CELF4: variants seen among roughly 807,000 people sequenced by gnomAD.
CELF4 encodes the protein CUG-BP- and ETR-3-like factor 4.
In CELF4, 18 loss-of-function variants were observed where a neutral mutation model predicts 59.9. The ratio of observed to expected loss-of-function variants is 0.30; its 90% CI spans 0.21 to 0.45. The LOEUF (loss-of-function observed/expected upper bound fraction) is 0.45. Among genes scored for constraint, CELF4 ranks in the 20% least tolerant of loss-of-function variants. CELF4 has a pLI of 1.00. For synonymous variants in CELF4, 261 were observed against 267.1 expected (o/e 0.98, Z 0.22); for missense variants, 456 against 689.0 (o/e 0.66, Z 3.79).
intron 2 of CELF4, among the ~76,000 whole-genome samples, chr18:37,414,570 C>T (rs561423514): frequency 2.2e-5 from 3 of 139,198 alleles, no homozygotes; most frequent in South Asian, 2.3e-4. Flanking sequence ...GGCGCGATCT[C>T]GGCTGCAAGC....
intron 8 of CELF4, among the ~76,000 whole-genome samples, chr18:37,269,504 T>G (rs2090080217): frequency 6.6e-6 from 1 of 152,202 alleles, no homozygotes. Context: ...TGGATTCTGA[T>G]GGGCACCCAG....
chr18:37,359,680 C>G (rs901748895), intron 2 of CELF4, among the ~76,000 whole-genome samples: 1 of 152,208 alleles, frequency 6.6e-6, no homozygotes, highest in Non-Finnish European at 1.5e-5. Context: ...TCCTAAGTAG[C>G]TGGGACTACA....
intron 2 of CELF4, among the ~76,000 whole-genome samples, chr18:37,369,433 T>C (rs1458325042): frequency 6.6e-6 from 1 of 152,176 alleles, no homozygotes. Context: ...AATGTCACCT[T>C]TGCCCAGGTG....
At chr18:37,518,303 T>C (rs765824246) in intron 1 of CELF4, among the ~76,000 whole-genome samples, 1 of 152,172 alleles carries the variant, frequency 6.6e-6, no homozygotes, top group Non-Finnish European at 1.5e-5. Context: ...TTATTGAACT[T>C]TATAAATTCC....
At chr18:37,297,539 G>T (rs1003111495) in intron 3 of CELF4, among the ~76,000 whole-genome samples, 1 of 152,148 alleles carries the variant, frequency 6.6e-6, no homozygotes, top group South Asian at 2.1e-4. Context: ...TCCTTTCTAG[G>T]TCTATTTTTT....
intron 2 of CELF4, among the ~76,000 whole-genome samples, chr18:37,382,596 C>T (rs1277801857): frequency 6.6e-6 from 1 of 152,196 alleles, no homozygotes; most frequent in Non-Finnish European, 1.5e-5. Flanking sequence ...TGCATGTGTA[C>T]ACACATGCCT....
intron 2 of CELF4, among the ~76,000 whole-genome samples, chr18:37,342,947 A>T (rs1240572435): frequency 3.9e-5 from 6 of 152,140 alleles, no homozygotes. Flanking sequence ...CTGTGGGAAC[A>T]TGACCCCCAC....
At chr18:37,352,508 C>A (rs973164664) in intron 2 of CELF4, among the ~76,000 whole-genome samples, 1 of 151,960 alleles carries the variant, frequency 6.6e-6, no homozygotes, top group African/African-American at 2.4e-5. Flanking sequence ...CTGGAGGATC[C>A]CTTGAGGCCA....
intron 2 of CELF4, among the ~76,000 whole-genome samples, chr18:37,447,330 T>C (rs574783828): frequency 6.6e-6 from 1 of 152,294 alleles, no homozygotes. Context: ...GTGCATTATC[T>C]TGTTGCATCC....
At chr18:37,528,329 A>G (rs2099966009) in intron 1 of CELF4, among the ~76,000 whole-genome samples, 1 of 152,206 alleles carries the variant, frequency 6.6e-6, no homozygotes, top group African/African-American at 2.4e-5. Context: ...AGTGTATTCT[A>G]TAGGTAGAAT....
intron 1 of CELF4, among the ~76,000 whole-genome samples, chr18:37,537,757 G>A (rs1483067082): frequency 2.0e-5 from 3 of 152,298 alleles, no homozygotes; most frequent in East Asian, 1.9e-4. Flanking sequence ...TTTTATGTCC[G>A]CCAGACACAA....
At chr18:37,349,056 G>C (rs751445626) in intron 2 of CELF4, among the ~76,000 whole-genome samples, 17 of 152,206 alleles carry the variant, frequency 1.1e-4, no homozygotes, top group Non-Finnish European at 1.6e-4. Flanking sequence ...AGGGTGCAAC[G>C]GCAGCACATC....
chr18:37,274,570 C>A (rs1295026454), intron 5 of CELF4, 116 bp from the exon 6 acceptor site: 12 of 1,582,810 alleles, frequency 7.6e-6, no homozygotes, highest in Non-Finnish European at 9.4e-6. Context: ...GAGGAGGCGG[C>A]ATCGGCGCTC....
intron 1 of CELF4, among the ~76,000 whole-genome samples, chr18:37,542,825 A>C (rs1021083670): frequency 6.6e-6 from 1 of 152,154 alleles, no homozygotes; most frequent in South Asian, 2.1e-4. Flanking sequence ...CTTGACTTAC[A>C]GGTTAGGAGA....
chr18:37,354,478 G>T (rs1224824233), intron 2 of CELF4, among the ~76,000 whole-genome samples: 1 of 152,176 alleles, frequency 6.6e-6, no homozygotes, highest in East Asian at 1.9e-4. Flanking sequence ...CAAGGCCAAG[G>T]AATTTCTTCC....
At chr18:37,334,379 G>A (rs1274677730) in intron 2 of CELF4, among the ~76,000 whole-genome samples, 2 of 152,274 alleles carry the variant, frequency 1.3e-5, no homozygotes, top group East Asian at 1.9e-4. Context: ...CTGTCACCCT[G>A]ACAGCTCACA....
At chr18:37,340,949 T>C (rs1465336175) in intron 2 of CELF4, among the ~76,000 whole-genome samples, 1 of 152,216 alleles carries the variant, frequency 6.6e-6, no homozygotes, top group Non-Finnish European at 1.5e-5. Context: ...GAGCCACTTG[T>C]AGCTTCCACT....
chr18:37,418,346 C>T (rs1368459073), intron 2 of CELF4, among the ~76,000 whole-genome samples: 3 of 152,236 alleles, frequency 2.0e-5, no homozygotes, highest in African/African-American at 4.8e-5. Flanking sequence ...CACAAGCAGT[C>T]AGCATATCCC....
intron 2 of CELF4, among the ~76,000 whole-genome samples, chr18:37,362,345 C>T (rs577974994): frequency 2.6e-5 from 4 of 152,204 alleles, no homozygotes; most frequent in Non-Finnish European, 4.4e-5. Flanking sequence ...GCGGACGCAT[C>T]ACTCCCCGGC....
Sources: gnomAD v4.1 joint callset for allele counts (sites outside exome capture counted in the v4.1 genomes callset) on GRCh38, gnomAD v4.1.1 for gene constraint, MANE v1.5 for transcripts, NCBI Gene and HGNC (gene_info 2026-07-23, HGNC 2026-07-21) for gene names.